The following NIN variants were observed in gnomAD, a reference collection of about 807,000 sequenced individuals.
The protein encoded by NIN is glycogen synthase kinase 3 beta-interacting protein.
Under a neutral mutation model 257.6 loss-of-function variants are expected in NIN, and 137 were observed. That is an observed-to-expected ratio of 0.53 (90% CI 0.46 to 0.61). The LOEUF is 0.61. NIN is among the 20% of genes least tolerant of loss of function. The pLI is 0.00. For missense variants in NIN, 2,439 were observed against 2,501.2 expected (o/e 0.98, Z 0.53); for synonymous variants, 918 against 919.8 (o/e 1.00, Z 0.04).
chr14:50,737,579 C>T (rs2041049554), intron 27 of NIN, among the ~76,000 whole-genome samples: 2 of 141,494 alleles, frequency 1.4e-5, no homozygotes, highest in East Asian at 2.1e-4. Flanking sequence ...CTTATAAGGG[C>T]TTCTAATACT....
At chr14:50,752,485 C>CA (rs1423284789) in intron 21 of NIN, 33 bp downstream of exon 21, 8 of 1,513,660 alleles carry the variant, frequency 5.3e-6, no homozygotes, top group Middle Eastern at 1.7e-4. Context: ...GGGATTTCCT[C>CA]AAAAAAAGCT....
At chr14:50,814,597 A>G (rs569731834) in intron 3 of NIN, among the ~76,000 whole-genome samples, 5 of 152,352 alleles carry the variant, frequency 3.3e-5, no homozygotes, top group Admixed American at 3.3e-4. Flanking sequence ...AATCCTAAGC[A>G]AAAAGAACAA....
At chr14:50,778,624 A>T in intron 6 of NIN, 141 bp downstream of exon 6, 1 of 732,152 alleles carries the variant, frequency 1.4e-6, no homozygotes. Context: ...AAAAGCTATC[A>T]ATTGGGAATA....
intron 2 of NIN, among the ~76,000 whole-genome samples, chr14:50,828,359 AAAG>A: frequency 6.6e-6 from 1 of 152,374 alleles, no homozygotes; most frequent in East Asian, 1.9e-4. Context: ...AAATTGCAAT[AAAG>A]AAGTGTCCTA....
At position 50,756,892 on chromosome 14, in the gene NIN, C is replaced by A. The variant is rs1454284079; in HGVS notation, c.4138G>T (p.Val1380Leu). 1 of 1,555,036 alleles carries A rather than the reference C, an allele frequency of 6.4e-7. No individual in the cohort carries two copies. Among genetic ancestry groups the A allele is most frequent in the African/African-American group, 1.4e-5 (1 of 73,078 alleles). The change falls in exon 18 of 31, where the codon GTA becomes TTA. Residue 1380 changes from valine (V) to leucine (L), a missense_variant. Around this residue, in one of 3 missense-constraint regions of NIN, gnomAD observed 2,043 missense variants for 2,050.2 expected, o/e 1.00. Transcript: ENST00000530997. Reference sequence around the variant, plus strand: ...TTACATTCCTCTATGACATGATGTACACTCCTAACCCTGGGCACACACTCT... The same window carrying A: ...TTACATTCCTCTATGACATGATGTAAACTCCTAACCCTGGGCACACACTCT... Reference protein sequence around the residue: ...LEECVPRVRSVHHVIEECKQE... With the variant: ...LEECVPRVRSLHHVIEECKQE...
chr14:50,777,624 C>T (rs1318190600), intron 6 of NIN, among the ~76,000 whole-genome samples: 1 of 151,970 alleles, frequency 6.6e-6, no homozygotes, highest in Non-Finnish European at 1.5e-5. Context: ...TTAGCCTGTT[C>T]CCAAATCCTT....
chr14:50,725,680 A>C, intron 30 of NIN: 1 of 513,850 alleles, frequency 1.9e-6, no homozygotes, highest in Non-Finnish European at 3.4e-6. Flanking sequence ...TGATCTTTAA[A>C]ATCTTAGGTC....
At chr14:50,815,876 G>A (rs2044869505) in intron 3 of NIN, among the ~76,000 whole-genome samples, 1 of 152,096 alleles carries the variant, frequency 6.6e-6, no homozygotes, top group Non-Finnish European at 1.5e-5. Context: ...GGGCGTGGTG[G>A]CATGCACCTG....
At chr14:50,831,301 G>A (rs1454446604), upstream of NIN, among the ~76,000 whole-genome samples, 1 of 151,996 alleles carries the variant, frequency 6.6e-6, no homozygotes, top group Non-Finnish European at 1.5e-5. Context: ...CCCGCTCCGA[G>A]CGCCCGCCTC....
intron 28 of NIN, among the ~76,000 whole-genome samples, chr14:50,731,744 C>T (rs1444692961): frequency 2.6e-5 from 4 of 151,748 alleles, no homozygotes; most frequent in African/African-American, 4.8e-5. Context: ...AAGAATCGCT[C>T]GAATCCGGGA....
chr14:50,760,109 T>A lies in NIN; in HGVS notation c.2147A>T (p.Gln716Leu). The change falls in exon 17 of 31, where the codon CAG becomes CTG. Residue 716 changes from glutamine (Q) to leucine (L), a missense_variant. Around this residue, in one of 3 missense-constraint regions of NIN, gnomAD observed 2,043 missense variants for 2,050.2 expected, o/e 1.00. Coordinates refer to ENST00000530997, the MANE Select transcript of NIN (RefSeq NM_020921.4). ...VKLEEEKTHL[Q>L]EKLRLQHEME... ...CTCATGTTGCAGCCTCAGCTTCTCC[T>A]GCAGGTGAGTCTTTTCCTCCTCAAG... The A allele has an allele frequency of 6.2e-7, 1 of 1,614,240 alleles. No individual in the cohort carries two copies. The highest frequency in any genetic ancestry group is 8.5e-7 in the Non-Finnish European group (1 of 1,180,044).
At chr14:50,728,647 T>C (rs2181088) in intron 29 of NIN, among the ~76,000 whole-genome samples, 54,895 of 152,138 alleles carry the variant, frequency 0.36, 12,707 homozygotes, top group African/African-American at 0.66. Flanking sequence ...AAAGGATTAA[T>C]GTAGAATTCC....
chr14:50,791,805 G>GTGCACACACAAACACACA (rs1555388904), intron 5 of NIN, among the ~76,000 whole-genome samples: 1 of 23,066 alleles, frequency 4.3e-5, no homozygotes, highest in Non-Finnish European at 1.1e-4. Flanking sequence ...ACAGGTGCAC[G>GTGCACACACAAACACACA]CGCACACACA....
intron 4 of NIN, among the ~76,000 whole-genome samples, chr14:50,800,001 TACACATACACACACAC>T (rs1216274795): frequency 1.2e-5 from 1 of 81,332 alleles, no homozygotes; most frequent in Non-Finnish European, 2.6e-5. Context: ...ACAATATATA[TACACATACACACACAC>T]ACACACACAC....
chr14:50,825,361 A>C (rs1467764691), intron 2 of NIN, among the ~76,000 whole-genome samples: 2 of 152,248 alleles, frequency 1.3e-5, no homozygotes, highest in Non-Finnish European at 2.9e-5. Flanking sequence ...GGTAATGTTC[A>C]GAGCTTCCTC....
At chr14:50,800,176 CA>C (rs1234660815) in intron 4 of NIN, among the ~76,000 whole-genome samples, 1 of 152,148 alleles carries the variant, frequency 6.6e-6, no homozygotes, top group African/African-American at 2.4e-5. Flanking sequence ...AAATTTCCCA[CA>C]TAAGTATTCT....
chr14:50,745,147 C>T (rs986970100), intron 22 of NIN, among the ~76,000 whole-genome samples: 4 of 152,208 alleles, frequency 2.6e-5, no homozygotes, highest in East Asian at 3.9e-4. Context: ...GTTTTTTATT[C>T]GTCTTCAATA....
At position 50,756,544 on chromosome 14, in the gene NIN, G is replaced by A; in HGVS notation, c.4486C>T (p.His1496Tyr). 1 of 1,613,034 alleles carries A rather than the reference G, an allele frequency of 6.2e-7. No individual in the cohort carries two copies. Among genetic ancestry groups the A allele is most frequent in the South Asian group, 1.1e-5 (1 of 90,938 alleles). ...EKEEELKAMMHDLQITCSEMQ... is the reference protein window; with the variant it reads ...EKEEELKAMMYDLQITCSEMQ... ...TCACTGCACGTGATCTGCAAGTCAT[G>A]CATCATTGCCTTCAGCTCTTCCTCC... Residue 1496 changes from histidine to tyrosine, a missense_variant, in exon 18 of 31, where the codon CAT becomes TAT. By Grantham distance (83) the His-to-Tyr change is moderately conservative. This residue lies in a region of NIN where 2,043 missense variants were observed against 2,050.2 expected (regional missense o/e 1.00). Transcript: ENST00000530997.
At chr14:50,777,235 G>A in intron 6 of NIN, 96 bp from the exon 7 acceptor site, 1 of 947,684 alleles carries the variant, frequency 1.1e-6, no homozygotes, top group South Asian at 1.7e-5. Flanking sequence ...AATAAATACT[G>A]TAAGAAAAAG....
Sources: allele counts gnomAD v4.1 joint callset (sites outside exome capture counted in the v4.1 genomes callset), GRCh38; gene constraint gnomAD v4.1.1; regional missense constraint gnomAD v4.1.1; transcripts MANE v1.5; gene names NCBI Gene and HGNC (gene_info 2026-07-23, HGNC 2026-07-21).